FGD5: variants seen among roughly 807,000 people sequenced by gnomAD.
FGD5 encodes the protein FYVE, RhoGEF and PH domain-containing protein 5.
In FGD5, 28 loss-of-function variants were observed where a neutral mutation model predicts 133.4. That is an observed-to-expected ratio of 0.21 (90% CI 0.16 to 0.29). The LOEUF (loss-of-function observed/expected upper bound fraction) is 0.29, where lower values mean the gene tolerates loss of function less well. FGD5 is among the 10% of genes least tolerant of loss of function. The probability of loss-of-function intolerance (pLI) is 1.00; values close to 1 mark genes in which losing one functional copy is unlikely to be tolerated. For synonymous variants in FGD5, 810 were observed against 776.5 expected (o/e 1.04, Z -0.72); for missense variants, 1,858 against 1,895.2 (o/e 0.98, Z 0.36).
At chr3:14,911,983 A>G (rs2038458160) in intron 11 of FGD5, among the ~76,000 whole-genome samples, 1 of 151,922 alleles carries the variant, frequency 6.6e-6, no homozygotes, top group Non-Finnish European at 1.5e-5. Context: ...GCACCAAGGA[A>G]GGGCATTTCA....
At chr3:14,880,950 G>A (rs2037813740) in intron 4 of FGD5, among the ~76,000 whole-genome samples, 178 bp downstream of exon 4, 1 of 152,216 alleles carries the variant, frequency 6.6e-6, no homozygotes, top group Admixed American at 6.5e-5. Context: ...GCTTCCGGGG[G>A]CAGACAGCGG....
rs551982202 is a variant in FGD5 at position 14,885,222 on chromosome 3, G to A, written c.2748+4450G>A. Among the ~76,000 whole-genome samples the A allele has an allele frequency of 9.9e-5, 15 of 151,376 alleles. 1 individual carries two copies. Among genetic ancestry groups the A allele is most frequent in the Admixed American group, 9.2e-4 (14 of 15,150 alleles). On this transcript the variant is annotated intron_variant, in intron 4 of 19. Transcript: ENST00000285046. Reference sequence around the variant, plus strand: ...TATATTTGGAAGAAGGGGTCAGGGGGCACCTTGCCTCTAGTGGACAAGGGT... The same window carrying A: ...TATATTTGGAAGAAGGGGTCAGGGGACACCTTGCCTCTAGTGGACAAGGGT...
intron 2 of FGD5, among the ~76,000 whole-genome samples, chr3:14,878,414 C>G (rs1047489545): frequency 4.6e-5 from 7 of 152,206 alleles, no homozygotes; most frequent in Non-Finnish European, 8.8e-5. Flanking sequence ...TTACTCGATT[C>G]TATAAATTTT....
At position 14,917,516 on chromosome 3, in the gene FGD5, G is replaced by C. The variant is rs2038582921; in HGVS notation, c.3489+184G>C. On this transcript the variant is annotated intron_variant, in intron 12 of 19. Transcript: ENST00000285046. This position sits in a 1 kb window ranked among gnomAD's most constrained non-coding sequence, Gnocchi z 4.1. ...CAGGGAAAGGGGAGGGGGATGGAGG[G>C]CTTCTTGGAAGAGGAGACTGAACCC... 1.3e-5 allele frequency among the ~76,000 whole-genome samples: 2 copies of C among 152,088 alleles called. No individual in the cohort carries two copies. Among genetic ancestry groups the C allele is most frequent in the African/African-American group, 4.8e-5 (2 of 41,390 alleles).
intron 9 of FGD5, among the ~76,000 whole-genome samples, chr3:14,906,963 T>C (rs1420941778): frequency 6.6e-6 from 1 of 152,206 alleles, no homozygotes; most frequent in African/African-American, 2.4e-5. Flanking sequence ...GAACCACAAT[T>C]ACTCATTTTT....
At chr3:14,841,449 A>T (rs2036920564) in intron 1 of FGD5, among the ~76,000 whole-genome samples, 1 of 152,196 alleles carries the variant, frequency 6.6e-6, no homozygotes, top group African/African-American at 2.4e-5. Flanking sequence ...GGTTTGTATC[A>T]AATTATGGAG....
intron 1 of FGD5, among the ~76,000 whole-genome samples, chr3:14,831,164 G>A (rs116445286): frequency 5.9e-5 from 9 of 152,152 alleles, no homozygotes; most frequent in African/African-American, 1.4e-4. Flanking sequence ...TGTGGGGTTC[G>A]TAGAGAGGTA....
chr3:14,840,350 G>A (rs1348525482), intron 1 of FGD5, among the ~76,000 whole-genome samples: 1 of 151,998 alleles, frequency 6.6e-6, no homozygotes, highest in Non-Finnish European at 1.5e-5. Flanking sequence ...TCACCATGTT[G>A]GCCAGGCTGG....
chr3:14,930,018 T>C (rs2038877646), intron 18 of FGD5, among the ~76,000 whole-genome samples: 1 of 152,224 alleles, frequency 6.6e-6, no homozygotes, highest in Non-Finnish European at 1.5e-5. Context: ...AAATTAATTT[T>C]TGTGTGTGGT....
intron 1 of FGD5, among the ~76,000 whole-genome samples, chr3:14,826,363 G>C (rs2036598347): frequency 6.6e-6 from 1 of 151,614 alleles, no homozygotes; most frequent in Non-Finnish European, 1.5e-5. Context: ...TGTTGTTCTT[G>C]ACACATTTAT....
intron 2 of FGD5, among the ~76,000 whole-genome samples, chr3:14,872,945 A>T (rs1257408984): frequency 2.0e-5 from 3 of 152,238 alleles, no homozygotes; most frequent in Non-Finnish European, 4.4e-5. Flanking sequence ...GCTGCTGGTG[A>T]AAAAGAAAAA....
At chr3:14,901,083 C>T (rs1559499362) in intron 9 of FGD5, 22 bp downstream of exon 9, 1 of 1,613,886 alleles carries the variant, frequency 6.2e-7, no homozygotes. Flanking sequence ...CTGGCGGCCC[C>T]CTTCCTCAGA....
chr3:14,827,281 C>CTTTTTTTTT (rs1176016508), intron 1 of FGD5, among the ~76,000 whole-genome samples: 2 of 104,784 alleles, frequency 1.9e-5, no homozygotes, highest in African/African-American at 4.7e-5. Context: ...TTCTGGTATT[C>CTTTTTTTTT]TTTTTTTTTT....
At chr3:14,878,427 TTTC>T (rs1013708406) in intron 2 of FGD5, among the ~76,000 whole-genome samples, 1 of 152,332 alleles carries the variant, frequency 6.6e-6, no homozygotes, top group South Asian at 2.1e-4. Context: ...TAAATTTTTT[TTTC>T]TTCTTCTATC....
intron 1 of FGD5, among the ~76,000 whole-genome samples, chr3:14,856,889 T>C (rs1340870493): frequency 2.6e-5 from 4 of 152,218 alleles, no homozygotes; most frequent in Admixed American, 1.3e-4. Context: ...TCTCTTGCCT[T>C]ATTGCTCTGG....
chr3:14,893,844 G>A (rs2038082765), intron 4 of FGD5, among the ~76,000 whole-genome samples: 1 of 131,374 alleles, frequency 7.6e-6, no homozygotes, highest in South Asian at 2.4e-4. Flanking sequence ...TGCAACCTCT[G>A]CCTCCCAGGT....
chr3:14,872,032 C>T (rs2037619368), intron 2 of FGD5, among the ~76,000 whole-genome samples: 1 of 152,222 alleles, frequency 6.6e-6, no homozygotes, highest in Admixed American at 6.5e-5. Context: ...TTGACAAGAT[C>T]CTCAGTGACT....
chr3:14,861,580 C>T (rs752519229), intron 1 of FGD5, among the ~76,000 whole-genome samples: 4 of 152,328 alleles, frequency 2.6e-5, no homozygotes, highest in Non-Finnish European at 2.9e-5. Flanking sequence ...TCAGATTTGC[C>T]GCGTGACCTC....
intron 10 of FGD5, among the ~76,000 whole-genome samples, chr3:14,909,740 A>ACTTTT (rs776241520): frequency 0.017 from 2,512 of 150,316 alleles, 36 homozygotes; most frequent in Non-Finnish European, 0.029. Context: ...GTGATAATGC[A>ACTTTT]CTTTTCTTTT....
Sources: gnomAD v4.1 joint callset for allele counts (sites outside exome capture counted in the v4.1 genomes callset) on GRCh38, gnomAD v4.1.1 for gene constraint, Gnocchi (gnomAD v3.1) non-coding constraint, MANE v1.5 for transcripts, NCBI Gene and HGNC (gene_info 2026-07-23, HGNC 2026-07-21) for gene names.